NAV3: variants seen among roughly 807,000 people sequenced by gnomAD.
NAV3 encodes the protein pore membrane and/or filament interacting like protein 1.
Under a neutral mutation model 244.7 loss-of-function variants are expected in NAV3, and 87 were observed. The observed-to-expected ratio is 0.36, with a 90% confidence interval of 0.30 to 0.42. NAV3 has a LOEUF of 0.42. NAV3 is among the 20% of genes least tolerant of loss of function. The probability of loss-of-function intolerance (pLI) is 1.00; values close to 1 mark genes in which losing one functional copy is unlikely to be tolerated. For missense variants in NAV3, 2,663 were observed against 2,893.3 expected (o/e 0.92, Z 1.83); for synonymous variants, 1,126 against 1,042.2 (o/e 1.08, Z -1.55).
chr12:78,044,762 A>AT (rs1881475438), intron 9 of NAV3, among the ~76,000 whole-genome samples: 1 of 152,082 alleles, frequency 6.6e-6, no homozygotes, highest in Non-Finnish European at 1.5e-5. Flanking sequence ...AATGCTTGTG[A>AT]TTTTCGCATG....
At chr12:78,009,981 A>T (rs937826297) in intron 8 of NAV3, among the ~76,000 whole-genome samples, 1 of 152,084 alleles carries the variant, frequency 6.6e-6, no homozygotes, top group African/African-American at 2.4e-5. Context: ...TTGGGAGGCC[A>T]AGGTGGGAGG....
chr12:77,818,937 A>T (rs183221509), intron 2 of NAV3, among the ~76,000 whole-genome samples: 4 of 152,208 alleles, frequency 2.6e-5, no homozygotes, highest in East Asian at 1.9e-4. Context: ...CGGATTGTAT[A>T]TATTACACAT....
chr12:77,672,877 A>T (rs906298084), intron 2 of NAV3, among the ~76,000 whole-genome samples: 5 of 152,152 alleles, frequency 3.3e-5, no homozygotes, highest in African/African-American at 1.2e-4. Context: ...TGTAAAATTG[A>T]TTTTAAAACT....
intron 12 of NAV3, among the ~76,000 whole-genome samples, chr12:78,064,466 T>TGCCTGCCTGCCTGCCTGCCTGCCTGC (rs1566082445): frequency 8.5e-6 from 1 of 117,962 alleles, no homozygotes; most frequent in African/African-American, 3.2e-5. Context: ...TGCCTGCCTG[T>TGCCTGCCTGCCTGCCTGCCTGCCTGC]CTGTCTATAT....
intron 9 of NAV3, among the ~76,000 whole-genome samples, chr12:78,046,794 TTCTGTCTCATTGA>T (rs1881871213): frequency 6.6e-6 from 1 of 152,166 alleles, no homozygotes; most frequent in African/African-American, 2.4e-5. Flanking sequence ...TTTGTTAATT[TTCTGTCTCATTGA>T]TCTGTCTCAT....
chr12:77,955,211 A>G (rs530305370), intron 3 of NAV3, among the ~76,000 whole-genome samples: 10 of 152,312 alleles, frequency 6.6e-5, no homozygotes, highest in African/African-American at 1.7e-4. Context: ...ATGAGAGTCA[A>G]TTCAACATTC....
At chr12:78,098,137 A>G (rs1460861088) in intron 12 of NAV3, among the ~76,000 whole-genome samples, 2 of 152,142 alleles carry the variant, frequency 1.3e-5, no homozygotes, top group Non-Finnish European at 2.9e-5. Flanking sequence ...TTCTGCCTTA[A>G]TAATGTCACT....
chr12:77,835,958 C>A (rs982958894), intron 1 of NAV3, among the ~76,000 whole-genome samples: 1 of 152,168 alleles, frequency 6.6e-6, no homozygotes, highest in Non-Finnish European at 1.5e-5. Context: ...ATAAATAATA[C>A]TAGTTCCAGA....
intron 1 of NAV3, among the ~76,000 whole-genome samples, chr12:77,927,409 A>G (rs566672482): frequency 6.6e-6 from 1 of 152,360 alleles, no homozygotes; most frequent in East Asian, 1.9e-4. Context: ...AGCTGAGAGT[A>G]TAAATCTTGA....
At chr12:78,155,517 T>A (rs1471980818) in intron 22 of NAV3, among the ~76,000 whole-genome samples, 39 of 152,106 alleles carry the variant, frequency 2.6e-4, no homozygotes, top group Non-Finnish European at 4.4e-5. Flanking sequence ...ATTATTTATA[T>A]TCCTTTGGGT....
intron 11 of NAV3, among the ~76,000 whole-genome samples, chr12:78,053,299 A>G (rs1049427173): frequency 3.3e-5 from 5 of 151,778 alleles, no homozygotes; most frequent in African/African-American, 1.2e-4. Context: ...TGTGCACTCA[A>G]TATCATTATT....
chr12:77,637,367 G>A (rs1001541869), intron 2 of NAV3, among the ~76,000 whole-genome samples: 10 of 152,120 alleles, frequency 6.6e-5, no homozygotes, highest in African/African-American at 2.4e-4. Flanking sequence ...ATATCCCCAT[G>A]ATCAGGAAAA....
chr12:77,598,824 G>C (rs937623551), intron 2 of NAV3, among the ~76,000 whole-genome samples: 3 of 151,538 alleles, frequency 2.0e-5, no homozygotes, highest in Admixed American at 2.0e-4. Context: ...TGTCCCTTTG[G>C]GTTTTTGTTT....
intron 7 of NAV3, among the ~76,000 whole-genome samples, chr12:78,001,027 T>C (rs1873210950): frequency 6.6e-6 from 1 of 151,924 alleles, no homozygotes; most frequent in South Asian, 2.1e-4. Flanking sequence ...GGTACATTTT[T>C]TAATAAAGAT....
intron 2 of NAV3, among the ~76,000 whole-genome samples, chr12:77,646,161 C>T (rs956324313): frequency 2.9e-4 from 44 of 152,106 alleles, no homozygotes; most frequent in Non-Finnish European, 5.9e-5. Flanking sequence ...GAGCAAATGC[C>T]TCTTAATTTC....
At chr12:78,166,593 C>A (rs1342770178) in intron 23 of NAV3, among the ~76,000 whole-genome samples, 2 of 151,620 alleles carry the variant, frequency 1.3e-5, no homozygotes, top group East Asian at 3.9e-4. Flanking sequence ...ATATATTGTG[C>A]CACATTGAGT....
chr12:78,189,972 T>C lies in NAV3; in HGVS notation c.6056-12T>C, dbSNP rs750008516. The C allele has an allele frequency of 6.2e-7, 1 of 1,600,876 alleles. No homozygotes were observed. The stretch of plus-strand genomic sequence containing the variant: ...ACAATAAATCATGCTATTTTTTTGT[T>C]TCTTCTTTCAGGGGTAGAAGAAAAT... On this transcript the variant is annotated splice_polypyrimidine_tract_variant and intron_variant, in intron 33 of 39. Coordinates refer to ENST00000397909, the MANE Select transcript of NAV3 (RefSeq NM_001024383.2).
chr12:78,133,681 C>T (rs181270775), intron 18 of NAV3, among the ~76,000 whole-genome samples: 1 of 152,222 alleles, frequency 6.6e-6, no homozygotes, highest in African/African-American at 2.4e-5. Context: ...GCTACTGCCA[C>T]AGTAAACTAT....
chr12:77,970,274 G>C (rs1333919178), intron 5 of NAV3, among the ~76,000 whole-genome samples: 1 of 152,092 alleles, frequency 6.6e-6, no homozygotes, highest in African/African-American at 2.4e-5. Context: ...CTAACATTCA[G>C]TTAACCTTGA....
Sources: allele counts gnomAD v4.1 joint callset (sites outside exome capture counted in the v4.1 genomes callset), GRCh38; gene constraint gnomAD v4.1.1; transcripts MANE v1.5; gene names NCBI Gene and HGNC (gene_info 2026-07-23, HGNC 2026-07-21).